RBMX: variants seen among roughly 807,000 people sequenced by gnomAD.
RBMX encodes RNA-binding motif protein, X chromosome.
Under a neutral mutation model 29.3 loss-of-function variants are expected in RBMX, and 1 was observed. That is an observed-to-expected ratio of 0.03 (90% CI 0.01 to 0.16). RBMX has a LOEUF of 0.16. Among genes scored for constraint, RBMX ranks in the 10% least tolerant of loss-of-function variants. RBMX has a pLI of 1.00. For synonymous variants in RBMX, 102 were observed against 102.3 expected (o/e 1.00, Z 0.02); for missense variants, 121 against 333.2 (o/e 0.36, Z 4.96).
intron 4 of RBMX, 40 bp downstream of exon 4, chrX:136,877,874 CT>C (rs1396481380): frequency 1.1e-5 from 12 of 1,110,460 alleles, no homozygotes; most frequent in Non-Finnish European, 1.4e-5. Flanking sequence ...CTTGCAGTCC[CT>C]AACTTATACA....
chrX:136,869,249 A>G (rs1182026903), downstream of RBMX: 1 of 112,658 alleles, frequency 8.9e-6, no homozygotes, highest in Non-Finnish European at 1.9e-5. Flanking sequence ...GTGAAAAGTG[A>G]TCTATAATAC....
intron 6 of RBMX, 32 bp downstream of exon 6, chrX:136,875,439 T>A: frequency 8.3e-7 from 1 of 1,207,134 alleles, no homozygotes; most frequent in East Asian, 3.0e-5. Context: ...CAACCTTAAT[T>A]ATTAATTTAA....
At chrX:136,871,967 C>T (rs1485174036), downstream of RBMX, among the ~76,000 whole-genome samples, 1 of 111,068 alleles carries the variant, frequency 9.0e-6, no homozygotes, top group Non-Finnish European at 1.9e-5. Flanking sequence ...AAACTTCTTA[C>T]GTGTGTACTT....
In RBMX at chrX:136,873,856, G is replaced by T; in HGVS notation, c.*286C>A. ...TCATTTGCTGGGAAAAATCAGATAG[G>T]AAGTGGCCTTTAGGGGATACTTTTA... On this transcript the variant is annotated 3_prime_UTR_variant, in exon 9 of 9. Transcript: ENST00000320676. 1 of 897,471 alleles carries T rather than the reference G, an allele frequency of 1.1e-6. No individual in the cohort carries two copies. Among genetic ancestry groups the T allele is most frequent in the Non-Finnish European group, 1.4e-6 (1 of 731,343 alleles). 74.0% of individuals were successfully genotyped at this position (897,471 alleles called of 1,213,427 possible). A position where few individuals can be genotyped will look rare whatever the true frequency, so the allele number is the denominator to read the frequency against.
intron 4 of RBMX, 64 bp downstream of exon 4, chrX:136,877,851 C>A: frequency 9.6e-7 from 1 of 1,046,704 alleles, no homozygotes; most frequent in Admixed American, 3.1e-5. Context: ...CCAAAGCATC[C>A]ACTTGGTGTG....
chrX:136,873,997 TA>T lies in RBMX; in HGVS notation c.*144del. ...TTTTACTTTTTTCCTCACAAGAACA[TA>T]AAAATTATGGAGGGGAACTTAACAG... is the stretch of plus-strand genomic sequence containing the variant. On this transcript the variant is annotated 3_prime_UTR_variant, in exon 9 of 9. Coordinates refer to ENST00000320676, the MANE Select transcript of RBMX (RefSeq NM_002139.4). The T allele has an allele frequency of 9.1e-7, 1 of 1,096,463 alleles. No individual in the cohort carries two copies. Among genetic ancestry groups the T allele is most frequent in the East Asian group, 3.3e-5 (1 of 30,546 alleles). The allele number at this position is 1,096,463 out of a possible 1,213,427, so 90.4% of individuals were successfully genotyped here.
intron 3 of RBMX, 52 bp from the exon 4 acceptor site, chrX:136,878,138 C>T: frequency 9.7e-7 from 1 of 1,033,052 alleles, no homozygotes; most frequent in South Asian, 2.4e-5. Flanking sequence ...ATAATTTGCA[C>T]ATCTACTATG....
intron 8 of RBMX, 197 bp downstream of exon 8, chrX:136,874,889 A>G (rs1267831656): frequency 1.3e-6 from 1 of 796,737 alleles, no homozygotes; most frequent in Non-Finnish European, 1.7e-6. Context: ...CTCCAAAGCA[A>G]GCAAACAGCC....
chrX:136,873,984 C>A lies in RBMX; in HGVS notation c.*158G>T. Reference sequence around the variant, plus strand: ...AAAATTAAACATGTTTTACTTTTTTCCTCACAAGAACATAAAAATTATGGA... The same window carrying A: ...AAAATTAAACATGTTTTACTTTTTTACTCACAAGAACATAAAAATTATGGA... On this transcript the variant is annotated 3_prime_UTR_variant, in exon 9 of 9. Coordinates refer to ENST00000320676, the MANE Select transcript of RBMX (RefSeq NM_002139.4). 1 of 1,086,367 alleles carries A rather than the reference C, an allele frequency of 9.2e-7. No individual in the cohort carries two copies. Among genetic ancestry groups the A allele is most frequent in the Non-Finnish European group, 1.2e-6 (1 of 836,279 alleles). 89.5% of individuals were successfully genotyped at this position (1,086,367 alleles called of 1,213,427 possible). A position where few individuals can be genotyped will look rare whatever the true frequency, so the allele number is the denominator to read the frequency against.
chrX:136,876,933 C>A (rs1469114992), intron 4 of RBMX, among the ~76,000 whole-genome samples: 1 of 105,059 alleles, frequency 9.5e-6, no homozygotes, highest in Non-Finnish European at 2.0e-5. Flanking sequence ...AGGCTGGTCT[C>A]GAACTCCTGA....
At chrX:136,878,613 C>T (rs1433808945) in intron 3 of RBMX, among the ~76,000 whole-genome samples, 13 of 70,546 alleles carry the variant, frequency 1.8e-4, no homozygotes, top group Admixed American at 9.4e-4. Context: ...GGCGTGGTCG[C>T]GCATGCCTGT....
downstream of RBMX, among the ~76,000 whole-genome samples, chrX:136,870,949 AAAT>A (rs758011635): frequency 6.5e-5 from 7 of 107,133 alleles, no homozygotes; most frequent in South Asian, 8.2e-4. Flanking sequence ...CTAAAAATAC[AAAT>A]AATAATAATA....
chrX:136,878,872 A>T (rs1304287933), intron 3 of RBMX, 145 bp downstream of exon 3: 1 of 690,345 alleles, frequency 1.4e-6, no homozygotes, highest in African/African-American at 2.2e-5. Context: ...TTGGAACAGG[A>T]TCACAAACAG....
intron 5 of RBMX, 121 bp from the exon 6 acceptor site, chrX:136,875,706 C>T: frequency 4.2e-6 from 4 of 950,778 alleles, no homozygotes; most frequent in Non-Finnish European, 5.6e-6. Flanking sequence ...GAGGCTAGAT[C>T]ACCTAATTTT....
At chrX:136,880,366 G>GAC (rs887969898) in intron 1 of RBMX, among the ~76,000 whole-genome samples, 1 of 111,809 alleles carries the variant, frequency 8.9e-6, no homozygotes, top group African/African-American at 3.2e-5. Flanking sequence ...ACAAAGCCCC[G>GAC]ACCTCCGCTA....
downstream of RBMX, among the ~76,000 whole-genome samples, chrX:136,871,115 A>G (rs1473750784): frequency 9.4e-6 from 1 of 106,270 alleles, no homozygotes; most frequent in Non-Finnish European, 1.9e-5. Flanking sequence ...ACTGTCTCAG[A>G]AGAGAAGAAA....
chrX:136,874,876 C>G, intron 8 of RBMX: 1 of 681,792 alleles, frequency 1.5e-6, no homozygotes, highest in Non-Finnish European at 2.0e-6. Flanking sequence ...CAAGCAAAAT[C>G]CCCTCCAAAG....
chrX:136,876,900 G>A, intron 4 of RBMX, among the ~76,000 whole-genome samples: 1 of 104,781 alleles, frequency 9.5e-6, no homozygotes, highest in Middle Eastern at 4.9e-3. Context: ...TTTAAGTAGA[G>A]ACAGGATTTC....
chrX:136,870,845 G>A (rs1246857298), downstream of RBMX, among the ~76,000 whole-genome samples: 5 of 107,716 alleles, frequency 4.6e-5, no homozygotes, highest in African/African-American at 6.8e-5. Flanking sequence ...AGTGGCTCAC[G>A]TCTATAATCT....
Sources: gnomAD v4.1 joint callset for allele counts (sites outside exome capture counted in the v4.1 genomes callset) on GRCh38, gnomAD v4.1.1 for gene constraint, MANE v1.5 for transcripts, NCBI Gene and HGNC (gene_info 2026-07-23, HGNC 2026-07-21) for gene names.